The following FOXO1 variants were observed in gnomAD, a reference collection of about 807,000 sequenced individuals.
FOXO1 encodes forkhead box O1.
FOXO1 carries 6 observed loss-of-function variants against 44.1 expected under a neutral mutation model. That is an observed-to-expected ratio of 0.14 (90% confidence interval 0.07 to 0.27). The LOEUF is 0.27. Ranked by LOEUF, FOXO1 falls within the 10% of genes least tolerant of loss-of-function variation. The pLI, the probability that FOXO1 is intolerant of heterozygous loss-of-function variation, is 1.00. For synonymous variants in FOXO1, 380 were observed against 362.7 expected (o/e 1.05, Z -0.54); for missense variants, 737 against 888.8 (o/e 0.83, Z 2.17).
In FOXO1 at chr13:40,665,767, G is replaced by T. The variant is rs1878215312; in HGVS notation, c.446C>A (p.Pro149Gln). ...PAAAGPLAGQ[P>Q]RKSSSSRRNA... ...GCGGCGGGACGAGCTGCTCTTGCGC[G>T]GCTGCCCCGCGAGCGGCCCAGCGGC... Residue 149 changes from proline to glutamine, a missense_variant, in exon 1 of 3, where the codon CCG becomes CAG. Coordinates refer to ENST00000379561, the MANE Select transcript of FOXO1 (RefSeq NM_002015.4). 2 of 1,358,834 alleles carry T rather than the reference G, an allele frequency of 1.5e-6. No individual in the cohort carries two copies. The highest frequency in any genetic ancestry group is 1.9e-4 in the Middle Eastern group (1 of 5,236). The allele number at this position is 1,358,834 out of a possible 1,614,324, so 84.2% of individuals were successfully genotyped here.
intron 1 of FOXO1, among the ~76,000 whole-genome samples, chr13:40,584,809 C>A (rs1875095870): frequency 6.6e-6 from 1 of 152,202 alleles, no homozygotes; most frequent in African/African-American, 2.4e-5. Flanking sequence ...GTCTAATGGT[C>A]CGACTCTTCT....
intron 1 of FOXO1, among the ~76,000 whole-genome samples, chr13:40,624,434 T>C (rs1876721063): frequency 6.6e-6 from 1 of 152,012 alleles, no homozygotes; most frequent in South Asian, 2.1e-4. Flanking sequence ...CTTTGCTTTA[T>C]AACATCTAAA....
At chr13:40,586,097 C>T (rs1194182470) in intron 1 of FOXO1, among the ~76,000 whole-genome samples, 1 of 152,160 alleles carries the variant, frequency 6.6e-6, no homozygotes, top group Non-Finnish European at 1.5e-5. Flanking sequence ...TGTGGGAAAG[C>T]CCTCAGGCTA....
At chr13:40,570,315 A>C (rs998172470) in intron 1 of FOXO1, among the ~76,000 whole-genome samples, 1 of 152,002 alleles carries the variant, frequency 6.6e-6, no homozygotes, top group African/African-American at 2.4e-5. Flanking sequence ...TCTCCAAAAA[A>C]AAAAATAAAA....
At chr13:40,590,886 A>C (rs1383603583) in intron 1 of FOXO1, among the ~76,000 whole-genome samples, 1 of 152,160 alleles carries the variant, frequency 6.6e-6, no homozygotes, top group African/African-American at 2.4e-5. Flanking sequence ...ACTTAACGCT[A>C]CACTTTACGA....
intron 1 of FOXO1, chr13:40,621,152 G>C: frequency 2.1e-6 from 1 of 482,282 alleles, no homozygotes; most frequent in South Asian, 2.1e-5. Context: ...CAGCGCTAGA[G>C]CATAACAGTA....
intron 1 of FOXO1, chr13:40,611,124 T>C (rs767864563): frequency 2.5e-5 from 11 of 440,740 alleles, no homozygotes; most frequent in South Asian, 1.6e-4. Flanking sequence ...GTAAAACTCA[T>C]CGTGACTGAG....
chr13:40,637,509 C>A (rs149341808), intron 1 of FOXO1, among the ~76,000 whole-genome samples: 2 of 149,516 alleles, frequency 1.3e-5, no homozygotes, highest in African/African-American at 4.9e-5. Flanking sequence ...CTCAACCTTA[C>A]GTCTTCCTAG....
chr13:40,624,840 T>C (rs564734100), intron 1 of FOXO1, among the ~76,000 whole-genome samples: 6 of 152,328 alleles, frequency 3.9e-5, no homozygotes, highest in Admixed American at 2.6e-4. Context: ...ATTATGCATA[T>C]AGTTTTTTAT....
At chr13:40,597,876 T>C (rs1019678553) in intron 1 of FOXO1, among the ~76,000 whole-genome samples, 1 of 152,174 alleles carries the variant, frequency 6.6e-6, no homozygotes, top group Non-Finnish European at 1.5e-5. Context: ...TGTCCAGTAC[T>C]TCAGTCCCCA....
intron 1 of FOXO1, among the ~76,000 whole-genome samples, chr13:40,591,623 C>T (rs1286204017): frequency 3.9e-5 from 6 of 152,128 alleles, no homozygotes; most frequent in Non-Finnish European, 7.3e-5. Context: ...TAAATAAGAA[C>T]GCTTTAGACC....
intron 1 of FOXO1, chr13:40,621,136 T>TC: frequency 2.5e-6 from 1 of 402,574 alleles, no homozygotes; most frequent in South Asian, 2.7e-5. Context: ...TGACAATCTT[T>TC]CCACCCAGCG....
chr13:40,574,497 T>G (rs1345534417), intron 1 of FOXO1, among the ~76,000 whole-genome samples: 1 of 152,250 alleles, frequency 6.6e-6, no homozygotes, highest in East Asian at 1.9e-4. Context: ...ATTCGAGAAT[T>G]ATTCTATAAA....
At chr13:40,561,873 G>A (rs1374926608) in intron 1 of FOXO1, among the ~76,000 whole-genome samples, 1 of 149,798 alleles carries the variant, frequency 6.7e-6, no homozygotes, top group Non-Finnish European at 1.5e-5. Context: ...GCAGGCTGAG[G>A]CAGGAGAAGG....
At chr13:40,574,781 C>T (rs1296953580) in intron 1 of FOXO1, among the ~76,000 whole-genome samples, 1 of 152,160 alleles carries the variant, frequency 6.6e-6, no homozygotes, top group Non-Finnish European at 1.5e-5. Flanking sequence ...GTTGACTGAA[C>T]AAAGTGTAAA....
chr13:40,633,509 G>A (rs1877045090), intron 1 of FOXO1, among the ~76,000 whole-genome samples: 1 of 152,144 alleles, frequency 6.6e-6, no homozygotes, highest in Admixed American at 6.5e-5. Context: ...AGTCAAAGAA[G>A]CCAGTCAAAG....
chr13:40,611,848 G>A (rs1876244790), intron 1 of FOXO1, among the ~76,000 whole-genome samples: 1 of 152,166 alleles, frequency 6.6e-6, no homozygotes, highest in Non-Finnish European at 1.5e-5. Flanking sequence ...CAAGTTGAGT[G>A]GATCACTTGA....
At chr13:40,588,434 C>T (rs571704205) in intron 1 of FOXO1, among the ~76,000 whole-genome samples, 5 of 152,254 alleles carry the variant, frequency 3.3e-5, no homozygotes, top group African/African-American at 7.2e-5. Flanking sequence ...AAAATGTGGG[C>T]GGTTAAACCC....
intron 1 of FOXO1, chr13:40,620,429 C>G (rs1876570483): frequency 1.5e-6 from 1 of 655,412 alleles, no homozygotes; most frequent in African/African-American, 1.8e-5. Context: ...TTTCTGAGAA[C>G]GAGCTTGTTG....
Sources: allele counts gnomAD v4.1 joint callset (sites outside exome capture counted in the v4.1 genomes callset), GRCh38; gene constraint gnomAD v4.1.1; transcripts MANE v1.5; gene names NCBI Gene and HGNC (gene_info 2026-07-23, HGNC 2026-07-21).